The following C1QTNF3 variants were observed in gnomAD, a reference collection of about 807,000 sequenced individuals.
The protein encoded by C1QTNF3 is C1q and TNF related 3, also known as complement C1q tumor necrosis factor-related protein 3.
Under a neutral mutation model 32.6 loss-of-function variants are expected in C1QTNF3, and 26 were observed. The observed-to-expected ratio is 0.80, with a 90% CI of 0.58 to 1.11. The LOEUF (loss-of-function observed/expected upper bound fraction) is 1.11, where lower values mean the gene tolerates loss of function less well. Among genes scored for constraint, C1QTNF3 ranks in the 50% least tolerant of loss-of-function variants. C1QTNF3 has a pLI of 0.00. For missense variants in C1QTNF3, 362 were observed against 398.2 expected (o/e 0.91, Z 0.77); for synonymous variants, 155 against 146.0 (o/e 1.06, Z -0.44).
chr5:34,125,020 A>C, the C1QTNF3 span, among the ~76,000 whole-genome samples: 1 of 152,178 alleles, frequency 6.6e-6, no homozygotes, highest in South Asian at 2.1e-4. Flanking sequence ...TCTGACTCCA[A>C]GAGGTGATGG....
the C1QTNF3 span, among the ~76,000 whole-genome samples, chr5:34,194,928 G>C: frequency 6.8e-6 from 1 of 147,236 alleles, no homozygotes; most frequent in African/African-American, 2.6e-5. Context: ...AAGGAATAAG[G>C]ACAAGAAAAA....
At chr5:34,177,840 C>T in the C1QTNF3 span, among the ~76,000 whole-genome samples, 1 of 151,938 alleles carries the variant, frequency 6.6e-6, no homozygotes, top group African/African-American at 2.4e-5. Context: ...GCAGACTGGT[C>T]TCAAACTCCT....
the C1QTNF3 span, among the ~76,000 whole-genome samples, chr5:34,160,668 A>G: frequency 6.6e-6 from 1 of 152,146 alleles, no homozygotes; most frequent in Non-Finnish European, 1.5e-5. Flanking sequence ...TATTTATATT[A>G]TCCAATTTAC....
the C1QTNF3 span, among the ~76,000 whole-genome samples, chr5:34,145,960 T>C: frequency 6.6e-6 from 1 of 152,084 alleles, no homozygotes; most frequent in Admixed American, 6.5e-5. Flanking sequence ...CCAACAGCCC[T>C]CCATGATAAA....
At chr5:34,083,321 G>A in the C1QTNF3 span, among the ~76,000 whole-genome samples, 124 of 151,626 alleles carry the variant, frequency 8.2e-4, 3 homozygotes, top group African/African-American at 3.0e-3. Flanking sequence ...CCATTTACAT[G>A]GAAGACTAAA....
the C1QTNF3 span, among the ~76,000 whole-genome samples, chr5:34,103,923 T>A: frequency 1.3e-5 from 2 of 152,086 alleles, no homozygotes; most frequent in Admixed American, 1.3e-4. Flanking sequence ...TTGTTAAATA[T>A]TAGCCCAGAT....
At chr5:34,131,853 T>A in the C1QTNF3 span, among the ~76,000 whole-genome samples, 1 of 152,228 alleles carries the variant, frequency 6.6e-6, no homozygotes, top group African/African-American at 2.4e-5. Flanking sequence ...CTATTCATTT[T>A]ATGTATCAAA....
chr5:34,217,217 T>C, the C1QTNF3 span, among the ~76,000 whole-genome samples: 1 of 152,140 alleles, frequency 6.6e-6, no homozygotes, highest in South Asian at 2.1e-4. Flanking sequence ...TTCTAAGACA[T>C]TTCATTTGAG....
the C1QTNF3 span, among the ~76,000 whole-genome samples, chr5:34,230,763 G>T: frequency 2.6e-5 from 4 of 151,690 alleles, no homozygotes; most frequent in South Asian, 8.4e-4. Flanking sequence ...AGATTTCCAG[G>T]TGTATTGGTA....
At chr5:34,130,148 C>CACAT in the C1QTNF3 span, among the ~76,000 whole-genome samples, 2 of 151,714 alleles carry the variant, frequency 1.3e-5, no homozygotes, top group Non-Finnish European at 2.9e-5. Context: ...CACACACACA[C>CACAT]ACATACATAC....
At chr5:34,050,237 C>A in the C1QTNF3 span, among the ~76,000 whole-genome samples, 18 of 152,282 alleles carry the variant, frequency 1.2e-4, 1 homozygote, top group East Asian at 3.5e-3. Context: ...ACCTCTCCAC[C>A]CCAGTTAGCC....
Position 34,020,434 on chromosome 5 carries a change from T to C in C1QTNF3, c.*149A>G. On this transcript the variant is annotated 3_prime_UTR_variant, in exon 6 of 6. Transcript: ENST00000382065. ...TCTGAGCCCCTGAATTGTCCAACAT[T>C]ATTGGTGTACCTGTAGCGTGAACAA... 1 of 922,624 alleles carries C rather than the reference T, an allele frequency of 1.1e-6. No homozygotes were observed. Among genetic ancestry groups the C allele is most frequent in the Non-Finnish European group, 1.7e-6 (1 of 604,922 alleles). 57.2% of individuals were successfully genotyped at this position (922,624 alleles called of 1,614,324 possible).
the C1QTNF3 span, among the ~76,000 whole-genome samples, chr5:34,059,915 C>CTTT: frequency 6.6e-6 from 1 of 152,164 alleles, no homozygotes; most frequent in Admixed American, 6.5e-5. Flanking sequence ...CCACAACCAC[C>CTTT]ACTGCTCTGG....
intron 2 of C1QTNF3, among the ~76,000 whole-genome samples, chr5:34,034,929 C>T (rs2112114802): frequency 6.6e-6 from 1 of 152,298 alleles, no homozygotes; most frequent in East Asian, 1.9e-4. Context: ...TAAATATTAA[C>T]ATCAATGAGA....
the C1QTNF3 span, among the ~76,000 whole-genome samples, chr5:34,209,792 G>A: frequency 1.3e-5 from 2 of 152,056 alleles, no homozygotes; most frequent in Admixed American, 6.5e-5. Context: ...AAATATGCCA[G>A]ATGTAAAGTA....
chr5:34,107,869 G>A, the C1QTNF3 span, among the ~76,000 whole-genome samples: 1 of 151,954 alleles, frequency 6.6e-6, no homozygotes, highest in Admixed American at 6.6e-5. Flanking sequence ...AAATACTCAA[G>A]ACTTGAGCTC....
At chr5:34,079,936 C>T in the C1QTNF3 span, among the ~76,000 whole-genome samples, 1 of 132,368 alleles carries the variant, frequency 7.6e-6, no homozygotes. Flanking sequence ...GTTCTTATTA[C>T]AAAAATAATA....
chr5:34,124,319 T>C, the C1QTNF3 span: 6 of 597,644 alleles, frequency 1.0e-5, no homozygotes, highest in East Asian at 9.1e-5. Context: ...AGGCTGTTGT[T>C]GCACTGCTAT....
chr5:34,082,646 G>T, the C1QTNF3 span, among the ~76,000 whole-genome samples: 6 of 151,686 alleles, frequency 4.0e-5, no homozygotes, highest in East Asian at 1.2e-3. Flanking sequence ...AAGTACTGTA[G>T]ATTTCAGGAT....
Sources: allele counts gnomAD v4.1 joint callset (sites outside exome capture counted in the v4.1 genomes callset), GRCh38; gene constraint gnomAD v4.1.1; transcripts MANE v1.5; gene names NCBI Gene and HGNC (gene_info 2026-07-23, HGNC 2026-07-21).